Variants in PRMT3 observed in about 807,000 individuals in gnomAD.
PRMT3 encodes the protein protein arginine N-methyltransferase 3.
PRMT3 carries 62 observed loss-of-function variants against 71.9 expected under a neutral mutation model. The ratio of observed to expected loss-of-function variants is 0.86; its 90% CI spans 0.70 to 1.07. The LOEUF is 1.07. PRMT3 is among the 50% of genes least tolerant of loss of function. The probability of loss-of-function intolerance (pLI) is 0.00; values close to 1 mark genes in which losing one functional copy is unlikely to be tolerated. For synonymous variants in PRMT3, 213 were observed against 220.4 expected, an observed-to-expected ratio of 0.97 and a Z score of 0.30; for missense variants, 663 against 643.0, an observed-to-expected ratio of 1.03 and a Z score of -0.34.
chr11:20,491,061 CCTT>C (rs1298682476), intron 13 of PRMT3, among the ~76,000 whole-genome samples: 1 of 151,986 alleles, frequency 6.6e-6, no homozygotes, highest in African/African-American at 2.4e-5. Flanking sequence ...TGTCTTTTTC[CCTT>C]CTTCAAATTG....
Position 20,388,095 on chromosome 11 carries a change from T to A in PRMT3, c.105T>A (p.Asp35Glu), listed in dbSNP as rs149576374. 428 of 1,613,998 alleles carry A rather than the reference T, an allele frequency of 2.7e-4. No individual in the cohort carries two copies. The African/African-American group carries it at 4.9e-3, about 18-fold the overall frequency. ...SDSGDEAAWE[D>E]EDDADLPHGK... ...GCGGGGACGAGGCCGCCTGGGAGGA[T>A]GAGGACGATGCAGATCTCCCCCACG... Residue 35 changes from aspartate (D) to glutamate (E), a missense_variant, in exon 2 of 16, where the codon GAT becomes GAA. Physicochemically the swap from Asp to Glu is conservative, Grantham distance 45. Transcript: ENST00000331079.
chr11:20,488,150 GA>G (rs1851121851), intron 13 of PRMT3, among the ~76,000 whole-genome samples: 1 of 151,968 alleles, frequency 6.6e-6, no homozygotes, highest in South Asian at 2.1e-4. Context: ...AAAATTAATT[GA>G]AAAAGAAAGA....
intron 7 of PRMT3, among the ~76,000 whole-genome samples, chr11:20,402,684 A>C (rs1212454519): frequency 2.0e-5 from 3 of 152,160 alleles, no homozygotes; most frequent in African/African-American, 7.2e-5. Context: ...AAATGTACGC[A>C]TTTTTAAGAA....
At chr11:20,431,249 G>A (rs1162255896) in intron 10 of PRMT3, among the ~76,000 whole-genome samples, 2 of 152,134 alleles carry the variant, frequency 1.3e-5, no homozygotes, top group Admixed American at 6.6e-5. Context: ...TATAGTATAT[G>A]ACAGGGTTAA....
rs138917415 is a variant in PRMT3, at chr11:20,397,645, C to T, written c.629C>T (p.Ala210Val). 651 of 1,614,014 alleles carry T rather than the reference C, an allele frequency of 4.0e-4. No individual in the cohort carries two copies. In the African/African-American group the frequency reaches 7.7e-3, roughly 19 times the overall value. The change falls in exon 7 of 16, where the codon GCG becomes GTG. Residue 210 changes from alanine to valine, a missense_variant. Physicochemically the swap from Ala to Val is moderately conservative, Grantham distance 64 (BLOSUM62 0). Coordinates refer to ENST00000331079, the MANE Select transcript of PRMT3 (RefSeq NM_005788.4). ...RTCSSSTSVI[A>V]DLQEDEDGVY... is the part of the protein sequence containing the mutation. ...TGCTCGTCATCTACTAGTGTCATTG[C>T]GGACCTCCAGGAGGATGAGGATGGT... is the stretch of plus-strand genomic sequence containing the variant.
intron 9 of PRMT3, 103 bp downstream of exon 9, chr11:20,408,135 T>A: frequency 1.3e-6 from 1 of 797,936 alleles, no homozygotes; most frequent in Non-Finnish European, 1.8e-6. Context: ...CTAAAGACAT[T>A]TGTCTTTTAG....
chr11:20,504,696 G>T (rs961929908), intron 15 of PRMT3, among the ~76,000 whole-genome samples: 42 of 130,456 alleles, frequency 3.2e-4, no homozygotes, highest in Non-Finnish European at 4.9e-4. Flanking sequence ...GTATGTGTGT[G>T]TGTGTGTGTG....
intron 9 of PRMT3, among the ~76,000 whole-genome samples, chr11:20,408,787 T>G (rs957559627): frequency 9.2e-5 from 14 of 152,180 alleles, no homozygotes; most frequent in Non-Finnish European, 1.9e-4. Context: ...ACATTGCTGT[T>G]CCACTCTTAA....
At chr11:20,479,689 C>CACAACAATAAGAA (rs1204863180) in intron 13 of PRMT3, among the ~76,000 whole-genome samples, 29 of 152,074 alleles carry the variant, frequency 1.9e-4, no homozygotes, top group African/African-American at 6.0e-4. Flanking sequence ...TAAAGAATCT[C>CACAACAATAAGAA]ACAACAATAA....
intron 9 of PRMT3, among the ~76,000 whole-genome samples, chr11:20,416,561 G>A (rs1260867920): frequency 1.3e-5 from 2 of 152,022 alleles, no homozygotes; most frequent in Non-Finnish European, 2.9e-5. Flanking sequence ...TTCAAGATTT[G>A]GGACATTACA....
chr11:20,404,277 A>C (rs1849024033), intron 8 of PRMT3, among the ~76,000 whole-genome samples: 1 of 109,080 alleles, frequency 9.2e-6, no homozygotes, highest in African/African-American at 3.7e-5. Flanking sequence ...CTTTGTCGCC[A>C]TGCTGGAGTG....
At chr11:20,411,548 A>G (rs900833376) in intron 9 of PRMT3, among the ~76,000 whole-genome samples, 1 of 152,136 alleles carries the variant, frequency 6.6e-6, no homozygotes, top group Admixed American at 6.5e-5. Flanking sequence ...ATAGATAAGA[A>G]GTGCAGTGAA....
chr11:20,444,046 G>A (rs1849969089), intron 10 of PRMT3, among the ~76,000 whole-genome samples: 1 of 152,128 alleles, frequency 6.6e-6, no homozygotes, highest in African/African-American at 2.4e-5. Context: ...GTGGAAGTTG[G>A]TGATCAAGTT....
chr11:20,462,645 A>G (rs1850412633), intron 12 of PRMT3, among the ~76,000 whole-genome samples: 2 of 152,096 alleles, frequency 1.3e-5, no homozygotes, highest in African/African-American at 4.8e-5. Flanking sequence ...AAGCCCTACT[A>G]TGTTCAGATT....
chr11:20,478,413 T>C (rs1035498821), intron 13 of PRMT3, among the ~76,000 whole-genome samples: 2 of 152,144 alleles, frequency 1.3e-5, no homozygotes, highest in African/African-American at 4.8e-5. Context: ...AATTTCATGT[T>C]ACCTTTCAGT....
chr11:20,415,518 C>A (rs1282052089), intron 9 of PRMT3, among the ~76,000 whole-genome samples: 1 of 138,640 alleles, frequency 7.2e-6, no homozygotes, highest in Non-Finnish European at 1.6e-5. Context: ...GGCAGACTTC[C>A]AAGGTATCTC....
intron 10 of PRMT3, among the ~76,000 whole-genome samples, chr11:20,432,318 A>G (rs57889255): frequency 0.036 from 5,557 of 152,250 alleles, 306 homozygotes; most frequent in African/African-American, 0.12. Context: ...AATACTGTTT[A>G]CTTCTACCTG....
intron 13 of PRMT3, among the ~76,000 whole-genome samples, chr11:20,472,651 A>G (rs1221819817): frequency 7.8e-6 from 1 of 128,344 alleles, no homozygotes; most frequent in Non-Finnish European, 1.8e-5. Flanking sequence ...TTTGTTCATC[A>G]AGGATACTGG....
At chr11:20,441,313 T>A (rs867978116) in intron 10 of PRMT3, among the ~76,000 whole-genome samples, 3 of 112,568 alleles carry the variant, frequency 2.7e-5, no homozygotes, top group East Asian at 2.4e-4. Context: ...ATTTATTTAT[T>A]TATATATTTT....
Sources: gnomAD v4.1 joint callset for allele counts (sites outside exome capture counted in the v4.1 genomes callset) on GRCh38, gnomAD v4.1.1 for gene constraint, MANE v1.5 for transcripts, NCBI Gene and HGNC (gene_info 2026-07-23, HGNC 2026-07-21) for gene names.